Variants in IFFO1 observed in about 807,000 individuals in gnomAD.
IFFO1 encodes intermediate filament family orphan 1, also known as non-homologous end joining factor IFFO1.
In IFFO1, 42 loss-of-function variants were observed where a neutral mutation model predicts 59.6. That is an observed-to-expected ratio of 0.70 (90% CI 0.55 to 0.91). IFFO1 has a LOEUF of 0.91. Among genes scored for constraint, IFFO1 ranks in the 40% least tolerant of loss-of-function variants. The probability of loss-of-function intolerance (pLI) is 0.00; values close to 1 mark genes in which losing one functional copy is unlikely to be tolerated. For synonymous variants in IFFO1, 336 were observed against 342.8 expected (o/e 0.98, Z 0.22); for missense variants, 711 against 793.2 (o/e 0.90, Z 1.24).
rs368604784 is a variant in IFFO1 at position 6,548,129 on chromosome 12, T to G, written c.1415A>C (p.Lys472Thr). 14 of 1,614,102 alleles carry G rather than the reference T, an allele frequency of 8.7e-6. No individual in the cohort carries two copies. In the African/African-American group the frequency reaches 1.5e-4, roughly 17 times the overall value. Residue 472 changes from lysine (K) to threonine (T), a missense_variant, in exon 8 of 10, where the codon AAA becomes ACA. By Grantham distance (78) the Lys-to-Thr change is moderately conservative. Transcript: ENST00000619571. The surrounding 1 kb of genome is among the most constrained non-coding windows in gnomAD (Gnocchi z 6.1). ...QQEDSLEKVI[K>T]DTESLFKTRE... ...GGTTTTGAACAGGGACTCCGTATCT[T>G]TAATCACCTTCTCCAGGCTATCTTC...
Position 6,540,480 on chromosome 12 carries a change from T to G in IFFO1, c.*3A>C. 1 of 1,611,918 alleles carries G rather than the reference T, an allele frequency of 6.2e-7. No individual in the cohort carries two copies. The highest frequency in any genetic ancestry group is 1.3e-5 in the African/African-American group (1 of 74,988). On this transcript the variant is annotated 3_prime_UTR_variant, in exon 10 of 10. Transcript: ENST00000619571. Reference sequence around the variant, plus strand: ...GCCTCGGGTGCAAGGGGGAGGCAGGTCTCTATCTCATGGAGCTGTCAGATG... The same window carrying G: ...GCCTCGGGTGCAAGGGGGAGGCAGGGCTCTATCTCATGGAGCTGTCAGATG...
chr12:6,540,957 C>T (rs1194618181), intron 9 of IFFO1, among the ~76,000 whole-genome samples: 2 of 143,272 alleles, frequency 1.4e-5, no homozygotes, highest in African/African-American at 2.6e-5. Context: ...GGTGTGGTGG[C>T]GGGCGCCTTG....
Position 6,540,155 on chromosome 12 carries a change from T to A in IFFO1, c.*328A>T. Reference sequence around the variant, plus strand: ...ATGGAGGAAAGGTCCCACATTCACATTCCTGATACGTGGACAAGGTGAGGG... The same window carrying A: ...ATGGAGGAAAGGTCCCACATTCACAATCCTGATACGTGGACAAGGTGAGGG... On this transcript the variant is annotated 3_prime_UTR_variant, in exon 10 of 10. Transcript: ENST00000619571. The A allele has an allele frequency of 2.3e-6, 1 of 429,170 alleles. No individual in the cohort carries two copies. The highest frequency in any genetic ancestry group is 2.4e-5 in the South Asian group (1 of 41,474). 26.6% of individuals were successfully genotyped at this position (429,170 alleles called of 1,614,324 possible).
chr12:6,548,580 G>A lies in IFFO1; in HGVS notation c.1263-35C>T. 6.2e-7 allele frequency: 1 copy of A among 1,613,392 alleles called. No homozygotes were observed. Among genetic ancestry groups the A allele is most frequent in the East Asian group, 2.2e-5 (1 of 44,860 alleles). ...GGGAACCCGGGTGTCAGGGCGGGCGGGGCCTCGTCCTGGCGGGGGACTGGG... is the reference window on the plus strand; with the variant it reads ...GGGAACCCGGGTGTCAGGGCGGGCGAGGCCTCGTCCTGGCGGGGGACTGGG... On this transcript the variant is annotated intron_variant, in intron 6 of 9. Coordinates refer to ENST00000619571, the MANE Select transcript of IFFO1 (RefSeq NM_001193457.2). The surrounding 1 kb of genome is among the most constrained non-coding windows in gnomAD (Gnocchi z 6.1).
chr12:6,541,705 C>A lies in IFFO1; in HGVS notation c.1480-63G>T, dbSNP rs1420595319. ...TGGCGTTCACAGCGCCTCTGTTGCC[C>A]CCGCCAGGAGGCCAACACGCCAAGA... is the stretch of plus-strand genomic sequence containing the variant. On this transcript the variant is annotated intron_variant, in intron 8 of 9. Coordinates refer to ENST00000619571, the MANE Select transcript of IFFO1 (RefSeq NM_001193457.2). The surrounding 1 kb of genome is among the most constrained non-coding windows in gnomAD (Gnocchi z 4.8). The A allele has an allele frequency of 2.5e-6, 4 of 1,602,044 alleles. No individual in the cohort carries two copies. The highest frequency in any genetic ancestry group is 2.6e-6 in the Non-Finnish European group (3 of 1,174,608).
Position 6,555,120 on chromosome 12 carries a change from C to T in IFFO1, c.773+137G>A. On this transcript the variant is annotated intron_variant, in intron 1 of 9. Coordinates refer to ENST00000619571, the MANE Select transcript of IFFO1 (RefSeq NM_001193457.2). This position sits in a 1 kb window ranked among gnomAD's most constrained non-coding sequence, Gnocchi z 8.6. Reference sequence around the variant, plus strand: ...ATTCTAGTCTCCCTGCATCCAATTGCTTCCAAGCTCCTCATTACACAGCAC... The same window carrying T: ...ATTCTAGTCTCCCTGCATCCAATTGTTTCCAAGCTCCTCATTACACAGCAC... 1 of 861,434 alleles carries T rather than the reference C, an allele frequency of 1.2e-6. No homozygotes were observed. Among genetic ancestry groups the T allele is most frequent in the Non-Finnish European group, 1.9e-6 (1 of 520,534 alleles). The allele number at this position is 861,434 out of a possible 1,614,324, so 53.4% of individuals were successfully genotyped here. A position where few individuals can be genotyped will look rare whatever the true frequency, so the allele number is the denominator to read the frequency against.
downstream of IFFO1, chr12:6,539,103 T>G (rs2240872): frequency 0.3 from 44,932 of 152,114 alleles, 7,534 homozygotes; most frequent in East Asian, 0.49. Context: ...AACGGCTCAG[T>G]TGCTTTGGGC....
In IFFO1 at chr12:6,541,513, G is replaced by A. The variant is rs745446354; in HGVS notation, c.1609C>T (p.Arg537Ter). Residue 537 changes from arginine to a stop codon, truncating the protein, a stop_gained and splice_region_variant, in exon 9 of 10, where the codon CGA (arginine) becomes TGA (stop). Transcript: ENST00000619571. LOFTEE classifies it high-confidence loss of function. This position sits in a 1 kb window ranked among gnomAD's most constrained non-coding sequence, Gnocchi z 4.8. ...CCCATGCCCAGGGGAGGCGCCTACC[G>A]GTCTCCAGACTGGGTGATGAGCCGG... ...CRRLITQSGD[R>*]KSPAFTAVPL... is the part of the protein sequence containing the mutation. 15 of 1,613,560 alleles carry A rather than the reference G, an allele frequency of 9.3e-6. No homozygotes were observed. The highest frequency in any genetic ancestry group is 2.2e-5 in the East Asian group (1 of 44,896).
chr12:6,543,198 G>T (rs1422545807), intron 8 of IFFO1, among the ~76,000 whole-genome samples: 1 of 152,140 alleles, frequency 6.6e-6, no homozygotes, highest in Non-Finnish European at 1.5e-5. Context: ...GAGATCAAAG[G>T]TCACAAAGAT....
chr12:6,555,872 G>A lies in IFFO1; in HGVS notation c.158C>T (p.Pro53Leu), dbSNP rs754204633. 2 of 1,605,550 alleles carry A rather than the reference G, an allele frequency of 1.2e-6. No individual in the cohort carries two copies. The highest frequency in any genetic ancestry group is 1.7e-6 in the Non-Finnish European group (2 of 1,177,746). The stretch of plus-strand genomic sequence containing the variant: ...AGGCGGGGCCGGGCCCGGCCCGGGC[G>A]GCGAGTAGGCAGCAGGGCCGGCCGG... ...LSPAGPAAYS[P>L]PGPGPAPPAA... Residue 53 changes from proline (P) to leucine (L), a missense_variant, in exon 1 of 10, where the codon CCG (proline) becomes CTG (leucine). Physicochemically the swap from Pro to Leu is moderately conservative, Grantham distance 98 (BLOSUM62 -3). Transcript: ENST00000619571. This position sits in a 1 kb window ranked among gnomAD's most constrained non-coding sequence, Gnocchi z 8.6.
At position 6,540,606 on chromosome 12, in the gene IFFO1, T is replaced by C. The variant is rs761107034; in HGVS notation, c.1611-18A>G. 1.2e-6 allele frequency: 2 copies of C among 1,602,418 alleles called. No individual in the cohort carries two copies. Among genetic ancestry groups the C allele is most frequent in the South Asian group, 1.1e-5 (1 of 90,834 alleles). On this transcript the variant is annotated intron_variant, in intron 9 of 9. Transcript: ENST00000619571. ...GAGACTTTCTAGAAAAAAACACCAG[T>C]TGTCAACCTTGGGGCAGGCAGGAAT...
rs550277987 is a variant in IFFO1, at chr12:6,555,469, C to T, written c.561G>A (p.Ser187=). Residue 187 remains serine, a synonymous_variant, in exon 1 of 10, where the codon TCG becomes TCA. Transcript: ENST00000619571. The surrounding 1 kb of genome is among the most constrained non-coding windows in gnomAD (Gnocchi z 8.6). ...TGGTGCCGGGCATGAAGCGGGCCGA[C>T]GAGGAATAGGTGGTGGAGGTGGAGG... ...SSTSTSTTYS[S]SARFMPGTIW... The T allele has an allele frequency of 6.2e-7, 1 of 1,612,808 alleles. No homozygotes were observed. Among genetic ancestry groups the T allele is most frequent in the African/African-American group, 1.3e-5 (1 of 74,972 alleles).
In IFFO1 at chr12:6,550,704, G is replaced by A. The variant is rs768968893; in HGVS notation, c.921C>T (p.Leu307=). Residue 307 remains leucine, a synonymous_variant, in exon 3 of 10, where the codon CTC becomes CTT. Transcript: ENST00000619571. Reference sequence around the variant, plus strand: ...CTGGGGCTGCACTCACGTTACTCATGAGCCCCTTGAAGACCACCAGCTCAG... The same window carrying A: ...CTGGGGCTGCACTCACGTTACTCATAAGCCCCTTGAAGACCACCAGCTCAG... ...LKAELVVFKG[L]MSNNLSELDT... is the part of the protein sequence containing the mutation. The A allele has an allele frequency of 6.2e-7, 1 of 1,613,794 alleles. No individual in the cohort carries two copies. Among genetic ancestry groups the A allele is most frequent in the South Asian group, 1.1e-5 (1 of 91,078 alleles).
At chr12:6,550,166 G>T in intron 3 of IFFO1, 1 of 428,952 alleles carries the variant, frequency 2.3e-6, no homozygotes. Flanking sequence ...ACATGCAGGG[G>T]GCTCACTGGA....
At position 6,548,761 on chromosome 12, in the gene IFFO1, G is replaced by C; in HGVS notation, c.1169C>G (p.Ser390Trp). 6.2e-7 allele frequency: 1 copy of C among 1,614,024 alleles called. No homozygotes were observed. ...GGGCTGGCGGGGCCCCTCACTCTCC[G>C]ACAGGGAGGTGTCCTCCTCGACGGC... ...KAAVEEDTSL[S>W]ESEGPRQPDG... Residue 390 changes from serine to tryptophan, a missense_variant, in exon 6 of 10, where the codon TCG (serine) becomes TGG (tryptophan). Coordinates refer to ENST00000619571, the MANE Select transcript of IFFO1 (RefSeq NM_001193457.2). The surrounding 1 kb of genome is among the most constrained non-coding windows in gnomAD (Gnocchi z 6.1).
chr12:6,550,912 A>T (rs773939106), intron 2 of IFFO1, 29 bp downstream of exon 2: 2 of 1,613,180 alleles, frequency 1.2e-6, no homozygotes, highest in Non-Finnish European at 1.7e-6. Context: ...CCAGGGAAGC[A>T]CCAGCAGCAA....
At chr12:6,552,446 C>A (rs937336102) in intron 1 of IFFO1, among the ~76,000 whole-genome samples, 3 of 152,216 alleles carry the variant, frequency 2.0e-5, no homozygotes, top group African/African-American at 7.2e-5. Context: ...CCCTGGCATT[C>A]TCATGCATAC....
In IFFO1 at chr12:6,555,858, G is replaced by C; in HGVS notation, c.172C>G (p.Pro58Ala). The C allele has an allele frequency of 6.2e-7, 1 of 1,607,242 alleles. No individual in the cohort carries two copies. Among genetic ancestry groups the C allele is most frequent in the Non-Finnish European group, 8.5e-7 (1 of 1,177,988 alleles). ...PAAYSPPGPG[P>A]APPAAMALRN... The stretch of plus-strand genomic sequence containing the variant: ...AGGGCCATGGCGGCAGGCGGGGCCG[G>C]GCCCGGCCCGGGCGGCGAGTAGGCA... The change falls in exon 1 of 10, where the codon CCG becomes GCG. Residue 58 changes from proline (P) to alanine (A), a missense_variant. Pro to Ala is a conservative substitution (Grantham distance 27, BLOSUM62 -1). Coordinates refer to ENST00000619571, the MANE Select transcript of IFFO1 (RefSeq NM_001193457.2). The surrounding 1 kb of genome is among the most constrained non-coding windows in gnomAD (Gnocchi z 8.6).
intron 3 of IFFO1, chr12:6,550,313 T>C (rs1947177179): frequency 2.7e-6 from 1 of 363,734 alleles, no homozygotes; most frequent in African/African-American, 2.0e-5. Flanking sequence ...TGCTGGGCAC[T>C]GTCCCGAGTA....
Sources: gnomAD v4.1 joint callset for allele counts (sites outside exome capture counted in the v4.1 genomes callset) on GRCh38, gnomAD v4.1.1 for gene constraint, Gnocchi (gnomAD v3.1) non-coding constraint, MANE v1.5 for transcripts, NCBI Gene and HGNC (gene_info 2026-07-23, HGNC 2026-07-21) for gene names.